Variants in GRIK4 observed in about 807,000 individuals in gnomAD.
GRIK4 encodes the protein glutamate receptor ionotropic, kainate 4.
Under a neutral mutation model 104.9 loss-of-function variants are expected in GRIK4, and 40 were observed. That is an observed-to-expected ratio of 0.38 (90% CI 0.30 to 0.50). The LOEUF (loss-of-function observed/expected upper bound fraction) is 0.50. GRIK4 is among the 20% of genes least tolerant of loss of function. The pLI, the probability that GRIK4 is intolerant of heterozygous loss-of-function variation, is 0.93. For synonymous variants in GRIK4, 485 were observed against 524.9 expected (o/e 0.92, Z 1.04); for missense variants, 1,047 against 1,308.1 (o/e 0.80, Z 3.08).
intron 1 of GRIK4, among the ~76,000 whole-genome samples, chr11:120,518,059 T>G (rs60962976): frequency 0.13 from 19,911 of 152,150 alleles, 2,057 homozygotes; most frequent in African/African-American, 0.28. Context: ...TTCTCCAGCC[T>G]GGGGAGGCTG....
rs151012075 is a variant in GRIK4, at chr11:120,754,386, T to G, written c.83-48307T>G. The stretch of plus-strand genomic sequence containing the variant: ...CTGGCATTCTTCACATGGCATAATG[T>G]GTTCAAGGCTCATCCGGGTTGTAGC... On this transcript the variant is annotated intron_variant, in intron 3 of 20. Coordinates refer to ENST00000527524, the MANE Select transcript of GRIK4 (RefSeq NM_014619.5). 7.9e-4 allele frequency among the ~76,000 whole-genome samples: 120 copies of G among 152,344 alleles called. 1 individual carries two copies. The highest frequency in any genetic ancestry group is 1.9e-3 in the Admixed American group (29 of 15,308).
intron 1 of GRIK4, among the ~76,000 whole-genome samples, chr11:120,570,116 A>G (rs906731595): frequency 3.9e-5 from 6 of 152,214 alleles, no homozygotes; most frequent in African/African-American, 1.4e-4. Context: ...CCAGGGCGAG[A>G]TGAAGCTTAG....
At chr11:120,743,304 C>T (rs1256275982) in intron 3 of GRIK4, among the ~76,000 whole-genome samples, 3 of 151,080 alleles carry the variant, frequency 2.0e-5, no homozygotes, top group African/African-American at 7.3e-5. Flanking sequence ...CCATTATGCT[C>T]AGCAAACAAA....
Position 120,790,164 on chromosome 11 carries a change from T to C in GRIK4, c.83-12529T>C, listed in dbSNP as rs1952366876. On this transcript the variant is annotated intron_variant, in intron 3 of 20. Transcript: ENST00000527524. Reference sequence around the variant, plus strand: ...TTGTGGCTATTTGCTTGTATGACCATGTCCTTCTCTGGACACTTTGAAAGC... The same window carrying C: ...TTGTGGCTATTTGCTTGTATGACCACGTCCTTCTCTGGACACTTTGAAAGC... Among the ~76,000 whole-genome samples the C allele has an allele frequency of 2.0e-5, 3 of 152,208 alleles. No individual in the cohort carries two copies. In the South Asian group the frequency reaches 6.2e-4, roughly 32 times the overall value.
At chr11:120,893,953 G>A (rs1180287044) in intron 11 of GRIK4, among the ~76,000 whole-genome samples, 1 of 152,140 alleles carries the variant, frequency 6.6e-6, no homozygotes, top group Non-Finnish European at 1.5e-5. Flanking sequence ...TAGTCATTCT[G>A]GGGTAGGGCC....
intron 3 of GRIK4, among the ~76,000 whole-genome samples, chr11:120,791,789 CT>C (rs1952400106): frequency 1.3e-5 from 2 of 152,126 alleles, no homozygotes; most frequent in Admixed American, 1.3e-4. Context: ...ATTGGGATTT[CT>C]TTAACATATG....
chr11:120,911,708 G>A (rs1943000523), intron 13 of GRIK4, among the ~76,000 whole-genome samples: 2 of 150,842 alleles, frequency 1.3e-5, no homozygotes, highest in African/African-American at 2.4e-5. Flanking sequence ...CAGGCGTGGT[G>A]GTGCATGCCT....
At chr11:120,683,018 C>T (rs1950222229) in intron 3 of GRIK4, among the ~76,000 whole-genome samples, 1 of 152,022 alleles carries the variant, frequency 6.6e-6, no homozygotes, top group Non-Finnish European at 1.5e-5. Flanking sequence ...TGCTTATACC[C>T]TCCTTGTGTG....
chr11:120,784,490 C>G (rs1591909419), intron 3 of GRIK4, among the ~76,000 whole-genome samples: 1 of 152,264 alleles, frequency 6.6e-6, no homozygotes, highest in East Asian at 1.9e-4. Flanking sequence ...TCCCTTGGTA[C>G]TTGCCAGTTT....
intron 13 of GRIK4, among the ~76,000 whole-genome samples, chr11:120,937,910 G>A (rs561076372): frequency 1.6e-4 from 24 of 152,294 alleles, no homozygotes; most frequent in South Asian, 1.0e-3. Flanking sequence ...GGAAAGCAGC[G>A]TGTGAGGAAA....
At chr11:120,941,180 G>C (rs1385807274) in intron 14 of GRIK4, among the ~76,000 whole-genome samples, 1 of 152,220 alleles carries the variant, frequency 6.6e-6, no homozygotes, top group East Asian at 1.9e-4. Flanking sequence ...TGCTGGACCA[G>C]AAGAGCCTTC....
intron 3 of GRIK4, among the ~76,000 whole-genome samples, chr11:120,760,282 T>G (rs1302147542): frequency 1.3e-5 from 2 of 151,016 alleles, no homozygotes; most frequent in African/African-American, 4.9e-5. Context: ...AGCATATTGT[T>G]CTCTAGGTCC....
Position 120,798,157 on chromosome 11 carries a change from C to CTTTTTTTTTT in GRIK4, c.83-4520_83-4511dup, listed in dbSNP as rs539833846. 2.9e-5 allele frequency among the ~76,000 whole-genome samples: 2 copies of CTTTTTTTTTT among 68,118 alleles called. 1 individual carries two copies. 44.7% of individuals were successfully genotyped at this position (68,118 alleles called of 152,430 possible). On this transcript the variant is annotated intron_variant, in intron 3 of 20. Transcript: ENST00000527524. ...AAAAAGAGAGTGAGCTCTGCTGTCT[C>CTTTTTTTTTT]TTTTTTTTTTTTTTTTTTTTTTTTT... is the stretch of plus-strand genomic sequence containing the variant.
At chr11:120,718,677 T>G (rs1157765066) in intron 3 of GRIK4, among the ~76,000 whole-genome samples, 1 of 152,210 alleles carries the variant, frequency 6.6e-6, no homozygotes, top group Non-Finnish European at 1.5e-5. Flanking sequence ...CATATCCAAG[T>G]CACCTTAGGT....
chr11:120,797,337 C>A (rs574180054), intron 3 of GRIK4, among the ~76,000 whole-genome samples: 2 of 152,128 alleles, frequency 1.3e-5, no homozygotes, highest in Admixed American at 1.3e-4. Context: ...GGACTCGGAG[C>A]GTCCCAGCCC....
chr11:120,919,899 G>T (rs1943190515), intron 13 of GRIK4, among the ~76,000 whole-genome samples: 1 of 152,146 alleles, frequency 6.6e-6, no homozygotes, highest in Non-Finnish European at 1.5e-5. Context: ...GGCACACAGG[G>T]AAAGAGTAGC....
chr11:120,849,292 T>C (rs954110492), intron 8 of GRIK4, among the ~76,000 whole-genome samples: 2 of 152,178 alleles, frequency 1.3e-5, no homozygotes, highest in African/African-American at 4.8e-5. Flanking sequence ...TCAATATCTC[T>C]GGACACATAA....
At chr11:120,845,174 T>C (rs941068617) in intron 8 of GRIK4, among the ~76,000 whole-genome samples, 1 of 152,228 alleles carries the variant, frequency 6.6e-6, no homozygotes, top group Non-Finnish European at 1.5e-5. Context: ...GCCTGATTAC[T>C]ATGTTGACAC....
chr11:120,665,983 AT>A (rs1949907550), intron 3 of GRIK4, among the ~76,000 whole-genome samples: 1 of 152,114 alleles, frequency 6.6e-6, no homozygotes, highest in South Asian at 2.1e-4. Flanking sequence ...CTGTAACTTC[AT>A]CTGTAATCTC....
Sources: allele counts gnomAD v4.1 joint callset (sites outside exome capture counted in the v4.1 genomes callset), GRCh38; gene constraint gnomAD v4.1.1; transcripts MANE v1.5; gene names NCBI Gene and HGNC (gene_info 2026-07-23, HGNC 2026-07-21).